The following SYNRG variants were observed in gnomAD, a reference collection of about 807,000 sequenced individuals.
SYNRG encodes the protein AP1 gamma subunit binding protein 1.
In SYNRG, 37 loss-of-function variants were observed where a neutral mutation model predicts 130.9. The ratio of observed to expected loss-of-function variants is 0.28; its 90% CI spans 0.22 to 0.37. The LOEUF (loss-of-function observed/expected upper bound fraction) is 0.37, where lower values mean the gene tolerates loss of function less well. Among genes scored for constraint, SYNRG ranks in the 10% least tolerant of loss-of-function variants. The pLI is 1.00. For missense variants in SYNRG, 1,338 were observed against 1,588.9 expected (o/e 0.84, Z 2.68); for synonymous variants, 539 against 568.1 (o/e 0.95, Z 0.73).
In SYNRG at chr17:37,553,818, A is replaced by T. The variant is rs1255269451; in HGVS notation, c.1905T>A (p.Ala635=). 6.2e-7 allele frequency: 1 copy of T among 1,613,466 alleles called. No individual in the cohort carries two copies. Among genetic ancestry groups the T allele is most frequent in the Non-Finnish European group, 8.5e-7 (1 of 1,179,918 alleles). The change falls in exon 14 of 22, where the codon GCT becomes GCA. Residue 635 remains alanine, a synonymous_variant. Transcript: ENST00000612223. ...AAACTGATTTTGATGTGCTAAACACAGCTGAAAAAGACAATGGTTTCTCGC... is the reference window on the plus strand; with the variant it reads ...AAACTGATTTTGATGTGCTAAACACTGCTGAAAAAGACAATGGTTTCTCGC... ...CSSEKPLSFS[A]VFSTSKSVST...
At chr17:37,605,840 C>T in intron 1 of SYNRG, 1 of 985,404 alleles carries the variant, frequency 1.0e-6, no homozygotes, top group Non-Finnish European at 1.2e-6. Flanking sequence ...TCCGTCCCTC[C>T]TTTTCAGTTA....
chr17:37,583,619 T>C (rs1374185309), intron 6 of SYNRG, among the ~76,000 whole-genome samples: 1 of 152,236 alleles, frequency 6.6e-6, no homozygotes. Context: ...GCTGGCTAAA[T>C]GATTTATGAA....
chr17:37,521,192 G>T (rs1440218469), intron 19 of SYNRG, among the ~76,000 whole-genome samples: 1 of 151,838 alleles, frequency 6.6e-6, no homozygotes, highest in Admixed American at 6.6e-5. Context: ...CACCACGTCT[G>T]GTTAATTTTG....
intron 11 of SYNRG, among the ~76,000 whole-genome samples, chr17:37,564,415 G>C (rs939766244): frequency 6.6e-6 from 1 of 152,166 alleles, no homozygotes; most frequent in Non-Finnish European, 1.5e-5. Context: ...TCATCTCACA[G>C]CAAGATTACC....
chr17:37,520,133 CAAAATT>C (rs766897350), intron 21 of SYNRG, 40 bp downstream of exon 21: 7 of 1,611,434 alleles, frequency 4.3e-6, no homozygotes, highest in African/African-American at 2.7e-5. Context: ...CCTCCACACT[CAAAATT>C]AAAATGGAGA....
intron 14 of SYNRG, among the ~76,000 whole-genome samples, chr17:37,545,244 T>C (rs1017933360): frequency 6.6e-6 from 1 of 150,798 alleles, no homozygotes; most frequent in African/African-American, 2.4e-5. Context: ...ATAATAATAA[T>C]AATTAGCTGG....
chr17:37,572,421 A>G (rs2060500523), intron 8 of SYNRG, among the ~76,000 whole-genome samples: 1 of 151,060 alleles, frequency 6.6e-6, no homozygotes, highest in Non-Finnish European at 1.5e-5. Flanking sequence ...CAACAGTGAG[A>G]CTCCGTTTCA....
rs1224017264 is a variant in SYNRG, at chr17:37,587,691, A to T, written c.241-1142T>A. ...TTGCTGTCTTCCATTCTACCCCCAA[A>T]CTGCTCTTGGTAACGTCAACAATCA... On this transcript the variant is annotated intron_variant, in intron 3 of 21. Transcript: ENST00000612223. Among the ~76,000 whole-genome samples, 3 of 152,118 alleles carry T rather than the reference A, an allele frequency of 2.0e-5. No individual in the cohort carries two copies. In the East Asian group the frequency reaches 5.8e-4, roughly 29 times the overall value.
Position 37,519,086 on chromosome 17 carries a change from CAG to C in SYNRG, c.3814-17_3814-16del. ...GAGTTGAATGCCTGCCAGAAATAAA[CAG>C]AGATGTGGGGCAAGTCAGGCTTTTT... On this transcript the variant is annotated splice_polypyrimidine_tract_variant and intron_variant, in intron 21 of 21. Transcript: ENST00000612223. 6.2e-7 allele frequency: 1 copy of C among 1,611,118 alleles called. No homozygotes were observed. Among genetic ancestry groups the C allele is most frequent in the African/African-American group, 1.3e-5 (1 of 74,990 alleles).
Position 37,556,836 on chromosome 17 carries a change from G to A in SYNRG, c.1664-2777C>T, listed in dbSNP as rs559665198. Among the ~76,000 whole-genome samples, 7 of 152,250 alleles carry A rather than the reference G, an allele frequency of 4.6e-5. No individual in the cohort carries two copies. The South Asian group carries it at 6.2e-4, about 14-fold the overall frequency. On this transcript the variant is annotated intron_variant, in intron 13 of 21. Transcript: ENST00000612223. The stretch of plus-strand genomic sequence containing the variant: ...TTCTGAAAATGTAGAGGTGATAAGC[G>A]GCCATTTTTATCACAGCCTAAATTT...
At chr17:37,533,317 C>T (rs1332013704) in intron 19 of SYNRG, among the ~76,000 whole-genome samples, 4 of 151,768 alleles carry the variant, frequency 2.6e-5, no homozygotes, top group African/African-American at 9.7e-5. Flanking sequence ...GTGAGAATCG[C>T]TTGAACCCAG....
intron 6 of SYNRG, 151 bp from the exon 7 acceptor site, chr17:37,577,764 T>C (rs1488132302): frequency 3.1e-6 from 2 of 642,742 alleles, no homozygotes; most frequent in African/African-American, 3.9e-5. Context: ...ACTGGCATGA[T>C]CTCAGCTCAC....
At chr17:37,519,175 G>A (rs2143497133) in intron 21 of SYNRG, 104 bp from the exon 22 acceptor site, 4 of 1,487,388 alleles carry the variant, frequency 2.7e-6, no homozygotes, top group Admixed American at 2.0e-5. Context: ...CACAGAGGCT[G>A]AGGCCAAAAT....
intron 1 of SYNRG, among the ~76,000 whole-genome samples, chr17:37,604,065 ACCC>A (rs2063523828): frequency 6.6e-6 from 1 of 151,970 alleles, no homozygotes; most frequent in Admixed American, 6.6e-5. Flanking sequence ...ACATGGTGAA[ACCC>A]TATTTCTACT....
At chr17:37,533,890 C>CA (rs1481313214) in intron 19 of SYNRG, among the ~76,000 whole-genome samples, 3 of 114,180 alleles carry the variant, frequency 2.6e-5, no homozygotes, top group East Asian at 2.9e-4. Flanking sequence ...TATTTTCTAA[C>CA]AAAAAAAATA....
chr17:37,588,870 A>T (rs963941836), intron 3 of SYNRG, among the ~76,000 whole-genome samples: 14 of 152,188 alleles, frequency 9.2e-5, no homozygotes, highest in African/African-American at 3.4e-4. Flanking sequence ...GAAAGGTGTT[A>T]TGCATATTGC....
chr17:37,609,234 C>T (rs774651220), intron 1 of SYNRG, 45 bp downstream of exon 1: 19 of 1,392,240 alleles, frequency 1.4e-5, no homozygotes, highest in Non-Finnish European at 1.6e-5. Flanking sequence ...CCCCTCGCCG[C>T]CCCCGCGGAG....
At chr17:37,576,451 G>C (rs748369258) in intron 7 of SYNRG, 33 bp from the exon 8 acceptor site, 10 of 1,583,944 alleles carry the variant, frequency 6.3e-6, no homozygotes, top group Non-Finnish European at 8.6e-6. Context: ...GTATATAGTG[G>C]TCCATGGAGA....
At chr17:37,547,326 A>G (rs573169064) in intron 14 of SYNRG, among the ~76,000 whole-genome samples, 2 of 152,342 alleles carry the variant, frequency 1.3e-5, no homozygotes, top group South Asian at 4.1e-4. Context: ...GGTCATCAGT[A>G]AAAATCTCAC....
Sources: allele counts gnomAD v4.1 joint callset (sites outside exome capture counted in the v4.1 genomes callset), GRCh38; gene constraint gnomAD v4.1.1; transcripts MANE v1.5; gene names NCBI Gene and HGNC (gene_info 2026-07-23, HGNC 2026-07-21).